YEATS2: variants seen among roughly 807,000 people sequenced by gnomAD.
YEATS2 encodes the protein YEATS domain containing 2, also known as YEATS domain-containing protein 2.
In YEATS2, 77 loss-of-function variants were observed where a neutral mutation model predicts 163.2. The observed-to-expected ratio is 0.47, with a 90% CI of 0.39 to 0.57. The LOEUF (loss-of-function observed/expected upper bound fraction) is 0.57. Among genes scored for constraint, YEATS2 ranks in the 20% least tolerant of loss-of-function variants. The pLI is 0.00. For missense variants in YEATS2, 1,549 were observed against 1,729.8 expected (o/e 0.90, Z 1.85); for synonymous variants, 631 against 645.1 (o/e 0.98, Z 0.33).
chr3:183,754,223 A>G lies in YEATS2; in HGVS notation c.1248A>G (p.Lys416=). 6.2e-7 allele frequency: 1 copy of G among 1,614,080 alleles called. No homozygotes were observed. Among genetic ancestry groups the G allele is most frequent in the Non-Finnish European group, 8.5e-7 (1 of 1,179,972 alleles). The change falls in exon 11 of 31, where the codon AAA becomes AAG. Residue 416 remains lysine (K), a synonymous_variant. Coordinates refer to ENST00000305135, the MANE Select transcript of YEATS2 (RefSeq NM_018023.5). ...RTPTKMTTSQ[K]VTFCSHGNSA... ...CCACCAAAATGACTACATCCCAGAAAGTTACCTTTTGTTCCCATGGCAATT... is the reference window on the plus strand; with the variant it reads ...CCACCAAAATGACTACATCCCAGAAGGTTACCTTTTGTTCCCATGGCAATT...
At position 183,801,438 on chromosome 3, in the gene YEATS2, T is replaced by C; in HGVS notation, c.3429-17T>C. The C allele has an allele frequency of 6.3e-7, 1 of 1,588,722 alleles. No homozygotes were observed. The highest frequency in any genetic ancestry group is 8.6e-7 in the Non-Finnish European group (1 of 1,167,198). On this transcript the variant is annotated splice_polypyrimidine_tract_variant and intron_variant, in intron 24 of 30. Coordinates refer to ENST00000305135, the MANE Select transcript of YEATS2 (RefSeq NM_018023.5). ...TGTATTTAATTTATTGCCTTAATTT[T>C]TTTTTATCTCTCTCAGGATAGACCA...
chr3:183,731,093 A>G (rs2109122148), intron 7 of YEATS2, among the ~76,000 whole-genome samples: 1 of 152,120 alleles, frequency 6.6e-6, no homozygotes, highest in African/African-American at 2.4e-5. Flanking sequence ...CGAGGTCAGG[A>G]GATCGAGACC....
chr3:183,712,698 G>C (rs1218908822), intron 1 of YEATS2, among the ~76,000 whole-genome samples: 1 of 151,822 alleles, frequency 6.6e-6, no homozygotes, highest in Non-Finnish European at 1.5e-5. Context: ...TCCAGGCTGC[G>C]AAGAAAGGGA....
intron 8 of YEATS2, among the ~76,000 whole-genome samples, chr3:183,741,987 T>G (rs528254594): frequency 6.6e-6 from 1 of 151,654 alleles, no homozygotes; most frequent in South Asian, 2.1e-4. Context: ...GGAGGAAGGA[T>G]TGTGTGAGCC....
At chr3:183,781,536 C>T (rs906634339) in intron 19 of YEATS2, among the ~76,000 whole-genome samples, 3 of 152,208 alleles carry the variant, frequency 2.0e-5, no homozygotes, top group African/African-American at 7.2e-5. Context: ...GGGCATCCCT[C>T]AGCCCACTCA....
Position 183,752,244 on chromosome 3 carries a change from G to A in YEATS2, c.1141G>A (p.Val381Met), listed in dbSNP as rs1229199611. 1.2e-6 allele frequency: 2 copies of A among 1,614,026 alleles called. No individual in the cohort carries two copies. The highest frequency in any genetic ancestry group is 2.7e-5 in the African/African-American group (2 of 74,898). Reference protein sequence around the residue: ...QSHEPVPDTSVEKGFPASTEA... With the variant: ...QSHEPVPDTSMEKGFPASTEA... ...ACATGAGCCAGTACCCGATACCTCT[G>A]TGGAGAAAGGTAATACAGCAGTTTT... The change falls in exon 10 of 31, where the codon GTG becomes ATG. Residue 381 changes from valine to methionine, a missense_variant. Val to Met is a conservative substitution (Grantham distance 21). Coordinates refer to ENST00000305135, the MANE Select transcript of YEATS2 (RefSeq NM_018023.5).
intron 20 of YEATS2, among the ~76,000 whole-genome samples, chr3:183,789,750 A>G (rs1271676351): frequency 1.3e-5 from 2 of 150,630 alleles, no homozygotes; most frequent in Non-Finnish European, 3.0e-5. Context: ...CATGTTAGCC[A>G]GGAGGGTCTT....
chr3:183,809,264 A>C, intron 30 of YEATS2, 94 bp downstream of exon 30: 1 of 1,275,346 alleles, frequency 7.8e-7, no homozygotes, highest in Middle Eastern at 2.4e-4. Context: ...ACATCAATCC[A>C]GTAGGAGATG....
Position 183,777,691 on chromosome 3 carries a change from G to A in YEATS2, c.2727G>A (p.Leu909=). The A allele has an allele frequency of 1.2e-6, 2 of 1,614,066 alleles. No homozygotes were observed. The highest frequency in any genetic ancestry group is 1.3e-5 in the African/African-American group (1 of 75,018). Residue 909 remains leucine (L), a synonymous_variant, in exon 19 of 31, where the codon TTG becomes TTA. Coordinates refer to ENST00000305135, the MANE Select transcript of YEATS2 (RefSeq NM_018023.5). ...TCATCTCTGGACAGAAAACCACATT[G>A]TTTACACAGGTAAATACGCCCATGC... ...LKVISGQKTT[L]FTQAAHGGQA...
intron 4 of YEATS2, 133 bp downstream of exon 4, chr3:183,718,725 G>A: frequency 1.4e-6 from 1 of 724,462 alleles, no homozygotes; most frequent in Non-Finnish European, 2.2e-6. Flanking sequence ...TTGAGACGGA[G>A]TCTCGCTGTG....
At position 183,797,090 on chromosome 3, in the gene YEATS2, G is replaced by A. The variant is rs565737166; in HGVS notation, c.3098-833G>A. 2.6e-4 allele frequency among the ~76,000 whole-genome samples: 39 copies of A among 151,908 alleles called. 1 individual carries two copies. The highest frequency in any genetic ancestry group is 9.2e-4 in the African/African-American group (38 of 41,440). ...TCGAGACCAGCCTGGCCAACATGGCGAAACACTGTCTCTACTAAAAATACA... is the reference window on the plus strand; with the variant it reads ...TCGAGACCAGCCTGGCCAACATGGCAAAACACTGTCTCTACTAAAAATACA... On this transcript the variant is annotated intron_variant, in intron 21 of 30. Transcript: ENST00000305135.
chr3:183,774,274 C>CCTCCTGT (rs1722754764), intron 17 of YEATS2, among the ~76,000 whole-genome samples: 1 of 152,186 alleles, frequency 6.6e-6, no homozygotes, highest in African/African-American at 2.4e-5. Context: ...CTGAGCTCCG[C>CCTCCTGT]CTCCTGTCAG....
chr3:183,714,735 C>T (rs1374104620), intron 1 of YEATS2, among the ~76,000 whole-genome samples: 1 of 152,128 alleles, frequency 6.6e-6, no homozygotes, highest in African/African-American at 2.4e-5. Context: ...TTAGTGAATT[C>T]TAAGACACTG....
intron 19 of YEATS2, among the ~76,000 whole-genome samples, chr3:183,778,111 CAAAAAAAAAAAA>C (rs569250141): frequency 3.4e-4 from 19 of 56,410 alleles, no homozygotes; most frequent in African/African-American, 1.2e-3. Context: ...GATTCTGTCT[CAAAAAAAAAAAA>C]AAAAAGAAAA....
chr3:183,716,586 G>A (rs1435999022), intron 2 of YEATS2, among the ~76,000 whole-genome samples: 1 of 152,144 alleles, frequency 6.6e-6, no homozygotes, highest in Non-Finnish European at 1.5e-5. Context: ...TCAATTACAA[G>A]CCAAATAAAT....
At chr3:183,733,757 G>A (rs1487404016) in intron 7 of YEATS2, among the ~76,000 whole-genome samples, 1 of 152,080 alleles carries the variant, frequency 6.6e-6, no homozygotes, top group African/African-American at 2.4e-5. Flanking sequence ...GGTGGATGCT[G>A]CTCTTGTTGA....
intron 7 of YEATS2, among the ~76,000 whole-genome samples, chr3:183,735,655 C>A (rs1718256401): frequency 6.6e-6 from 1 of 151,874 alleles, no homozygotes; most frequent in African/African-American, 2.4e-5. Flanking sequence ...TTCAGTTTTC[C>A]AAAAACACTG....
intron 15 of YEATS2, among the ~76,000 whole-genome samples, chr3:183,769,778 C>T (rs548620117): frequency 3.5e-4 from 53 of 152,102 alleles, no homozygotes; most frequent in African/African-American, 1.0e-3. Flanking sequence ...CTGCAACCTC[C>T]GACTCCCAGG....
rs1225187642 is a variant in YEATS2, at chr3:183,722,038, A to C, written c.439A>C (p.Asn147His). 1 of 1,614,176 alleles carries C rather than the reference A, an allele frequency of 6.2e-7. No individual in the cohort carries two copies. Among genetic ancestry groups the C allele is most frequent in the Non-Finnish European group, 8.5e-7 (1 of 1,180,038 alleles). Reference sequence around the variant, plus strand: ...AGAAAGTGATTCTTTATCTCAGCACAATGACTTCTTATCTGACAAAGATAA... The same window carrying C: ...AGAAAGTGATTCTTTATCTCAGCACCATGACTTCTTATCTGACAAAGATAA... ...HSESDSLSQH[N>H]DFLSDKDNNS... is the part of the protein sequence containing the mutation. Residue 147 changes from asparagine to histidine, a missense_variant, in exon 5 of 31, where the codon AAT becomes CAT. Coordinates refer to ENST00000305135, the MANE Select transcript of YEATS2 (RefSeq NM_018023.5).
Sources: gnomAD v4.1 joint callset for allele counts (sites outside exome capture counted in the v4.1 genomes callset) on GRCh38, gnomAD v4.1.1 for gene constraint, MANE v1.5 for transcripts, NCBI Gene and HGNC (gene_info 2026-07-23, HGNC 2026-07-21) for gene names.